PACRG: variants seen among roughly 807,000 people sequenced by gnomAD.
PACRG encodes parkin coregulated.
Under a neutral mutation model 29.7 loss-of-function variants are expected in PACRG, and 29 were observed. The observed-to-expected ratio is 0.98, with a 90% CI of 0.73 to 1.33. The LOEUF (loss-of-function observed/expected upper bound fraction) is 1.33. Among genes scored for constraint, PACRG ranks in the 40% most tolerant of loss-of-function variants. The probability of loss-of-function intolerance (pLI) is 0.00; values close to 1 mark genes in which losing one functional copy is unlikely to be tolerated. For synonymous variants in PACRG, 116 were observed against 118.7 expected (o/e 0.98, Z 0.15); for missense variants, 279 against 316.2 (o/e 0.88, Z 0.89).
In PACRG at chr6:163,166,428, C is replaced by T. The variant is rs575169003; in HGVS notation, c.613+77020C>T. On this transcript the variant is annotated intron_variant, in intron 4 of 4. Transcript: ENST00000366888. ...AGGGGCAGATTAAACTTTGAATCAC[C>T]TGTTCCTTTGGGCAAAATACATAAA... Among the ~76,000 whole-genome samples the T allele has an allele frequency of 1.6e-4, 25 of 152,318 alleles. No individual in the cohort carries two copies. In the South Asian group the frequency reaches 5.2e-3, roughly 32 times the overall value.
At chr6:163,215,193 T>A (rs543560836) in intron 4 of PACRG, among the ~76,000 whole-genome samples, 11 of 152,294 alleles carry the variant, frequency 7.2e-5, no homozygotes, top group Admixed American at 6.5e-4. Context: ...AAGATAATCA[T>A]CTATTTTAGA....
intron 2 of PACRG, among the ~76,000 whole-genome samples, chr6:162,857,537 C>T (rs1209877763): frequency 6.6e-6 from 1 of 152,014 alleles, no homozygotes; most frequent in Non-Finnish European, 1.5e-5. Context: ...TCTCATGCAC[C>T]CAGGAAGGCT....
chr6:163,216,447 C>T (rs746149551), intron 4 of PACRG, among the ~76,000 whole-genome samples: 16 of 152,036 alleles, frequency 1.1e-4, no homozygotes, highest in African/African-American at 1.7e-4. Flanking sequence ...GGAAGAAAAA[C>T]GAAGAGGAAC....
At chr6:162,946,217 A>G (rs1245894699) in intron 2 of PACRG, among the ~76,000 whole-genome samples, 1 of 152,014 alleles carries the variant, frequency 6.6e-6, no homozygotes, top group Non-Finnish European at 1.5e-5. Flanking sequence ...TGTTTTAAAG[A>G]TCAACAAAAT....
intron 2 of PACRG, among the ~76,000 whole-genome samples, chr6:163,031,285 T>G (rs1057037239): frequency 6.6e-6 from 1 of 152,248 alleles, no homozygotes; most frequent in Non-Finnish European, 1.5e-5. Context: ...AGGCTTTCCA[T>G]GAACTAGGCA....
At chr6:162,947,254 CAT>C (rs954698254) in intron 2 of PACRG, among the ~76,000 whole-genome samples, 1 of 141,832 alleles carries the variant, frequency 7.1e-6, no homozygotes, top group Admixed American at 7.2e-5. Context: ...AAACATATAT[CAT>C]ATATAATCTA....
intron 2 of PACRG, among the ~76,000 whole-genome samples, chr6:162,852,877 G>C (rs911136285): frequency 6.6e-6 from 1 of 152,156 alleles, no homozygotes. Flanking sequence ...CTGATAAACT[G>C]TCGGGTCTGC....
intron 4 of PACRG, among the ~76,000 whole-genome samples, chr6:163,221,407 T>C (rs1194336625): frequency 1.3e-5 from 2 of 152,204 alleles, no homozygotes; most frequent in Non-Finnish European, 2.9e-5. Context: ...TTTGTACACG[T>C]GCCTTTGTGC....
chr6:162,911,218 T>C (rs1796278082), intron 2 of PACRG, among the ~76,000 whole-genome samples: 1 of 152,222 alleles, frequency 6.6e-6, no homozygotes, highest in African/African-American at 2.4e-5. Flanking sequence ...CACAGCTGCA[T>C]TATAATGTGA....
At chr6:162,880,221 G>A (rs544920216) in intron 2 of PACRG, among the ~76,000 whole-genome samples, 23 of 152,242 alleles carry the variant, frequency 1.5e-4, no homozygotes, top group South Asian at 4.1e-4. Flanking sequence ...AAGAAATGTC[G>A]GATTTCAATA....
At chr6:162,994,716 C>T (rs908731026) in intron 2 of PACRG, among the ~76,000 whole-genome samples, 40 of 145,964 alleles carry the variant, frequency 2.7e-4, no homozygotes, top group Admixed American at 6.7e-4. Context: ...GTAATTTGAT[C>T]GTCTGAAGCC....
At chr6:163,291,867 C>T (rs1399430805) in intron 4 of PACRG, among the ~76,000 whole-genome samples, 1 of 151,782 alleles carries the variant, frequency 6.6e-6, no homozygotes, top group Non-Finnish European at 1.5e-5. Context: ...GGGTAACAAT[C>T]GTGGTTTAAC....
Position 163,094,726 on chromosome 6 carries a change from G to A in PACRG, c.613+5318G>A, listed in dbSNP as rs374574491. Among the ~76,000 whole-genome samples the A allele has an allele frequency of 4.7e-4, 71 of 152,250 alleles. No individual in the cohort carries two copies. The South Asian group carries it at 0.012, about 26-fold the overall frequency. ...TACGCAACCAGTACTTATTTATTCC[G>A]TCTTGTCCAAGCAGCCTCACTACTT... On this transcript the variant is annotated intron_variant, in intron 4 of 4. Coordinates refer to ENST00000366888, the MANE Select transcript of PACRG (RefSeq NM_001080379.2).
chr6:162,839,544 G>C (rs1789561664), intron 2 of PACRG, among the ~76,000 whole-genome samples: 1 of 151,812 alleles, frequency 6.6e-6, no homozygotes, highest in Middle Eastern at 3.2e-3. Context: ...TTTGTAGGTT[G>C]CTTGTTCACT....
chr6:163,063,758 G>A (rs1017002103), intron 3 of PACRG, among the ~76,000 whole-genome samples: 1 of 152,056 alleles, frequency 6.6e-6, no homozygotes, highest in Non-Finnish European at 1.5e-5. Flanking sequence ...CCTGATGTGC[G>A]AGTAACACAG....
At chr6:162,815,556 A>G (rs1213943112) in intron 2 of PACRG, among the ~76,000 whole-genome samples, 1 of 151,340 alleles carries the variant, frequency 6.6e-6, no homozygotes, top group Non-Finnish European at 1.5e-5. Flanking sequence ...TTACTATAAA[A>G]TTTTGGGGGG....
At chr6:162,742,252 C>T (rs1383572631) in intron 1 of PACRG, among the ~76,000 whole-genome samples, 2 of 152,112 alleles carry the variant, frequency 1.3e-5, no homozygotes, top group Non-Finnish European at 2.9e-5. Flanking sequence ...AGTGGTTTCC[C>T]TCATACTATT....
intron 2 of PACRG, among the ~76,000 whole-genome samples, chr6:162,981,095 C>T (rs1028672078): frequency 6.6e-6 from 1 of 151,902 alleles, no homozygotes; most frequent in Admixed American, 6.6e-5. Flanking sequence ...GCCTTTGTGT[C>T]CTCATAGCTT....
rs148347603 is a variant in PACRG at position 163,131,213 on chromosome 6, C to T, written c.613+41805C>T. 2.9e-3 allele frequency among the ~76,000 whole-genome samples: 437 copies of T among 150,228 alleles called. 2 individuals carry two copies. Among genetic ancestry groups the T allele is most frequent in the African/African-American group, 0.01 (413 of 40,560 alleles). Reference sequence around the variant, plus strand: ...GTCCCAGCTACTCGGGAGGCTGAGGCGGGAGGATGGCGTGAACCCGGGAGG... The same window carrying T: ...GTCCCAGCTACTCGGGAGGCTGAGGTGGGAGGATGGCGTGAACCCGGGAGG... On this transcript the variant is annotated intron_variant, in intron 4 of 4. Coordinates refer to ENST00000366888, the MANE Select transcript of PACRG (RefSeq NM_001080379.2).
Sources: allele counts gnomAD v4.1 joint callset (sites outside exome capture counted in the v4.1 genomes callset), GRCh38; gene constraint gnomAD v4.1.1; transcripts MANE v1.5; gene names NCBI Gene and HGNC (gene_info 2026-07-23, HGNC 2026-07-21).